ANKAR: variants seen among roughly 807,000 people sequenced by gnomAD.
ANKAR encodes the protein ankyrin and armadillo repeat-containing protein.
Under a neutral mutation model 146.2 loss-of-function variants are expected in ANKAR, and 136 were observed. The ratio of observed to expected loss-of-function variants is 0.93; its 90% CI spans 0.81 to 1.07. The LOEUF (loss-of-function observed/expected upper bound fraction) is 1.07, where lower values mean the gene tolerates loss of function less well. Ranked by LOEUF, ANKAR falls within the 50% of genes least tolerant of loss-of-function variation. The probability of loss-of-function intolerance (pLI) is 0.00; values close to 1 mark genes in which losing one functional copy is unlikely to be tolerated. For synonymous variants in ANKAR, 500 were observed against 575.8 expected, an observed-to-expected ratio of 0.87 and a Z score of 1.88; for missense variants, 1,567 against 1,679.9, an observed-to-expected ratio of 0.93 and a Z score of 1.18.
chr2:189,750,397 G>T, downstream of ANKAR: 1 of 422,176 alleles, frequency 2.4e-6, no homozygotes. Context: ...ATCTTCCCTT[G>T]TAAGACTTTT....
At chr2:189,731,329 TAGG>T in intron 16 of ANKAR, among the ~76,000 whole-genome samples, 1 of 151,822 alleles carries the variant, frequency 6.6e-6, no homozygotes, top group Admixed American at 6.6e-5. Context: ...AGAAATAACA[TAGG>T]AGGACAATAT....
chr2:189,728,473 T>C (rs987896204), intron 14 of ANKAR, 53 bp downstream of exon 14: 13 of 1,538,794 alleles, frequency 8.4e-6, no homozygotes, highest in African/African-American at 1.4e-5. Context: ...GATCTTGCTC[T>C]GTTGCCCAGC....
intron 18 of ANKAR, among the ~76,000 whole-genome samples, chr2:189,752,137 A>G (rs1024048089): frequency 6.9e-6 from 1 of 145,182 alleles, no homozygotes; most frequent in Non-Finnish European, 1.5e-5. Flanking sequence ...CTAAGACTCT[A>G]AAAAAAAAAA....
intron 10 of ANKAR, 59 bp downstream of exon 10, chr2:189,711,212 C>T: frequency 8.1e-7 from 1 of 1,241,122 alleles, no homozygotes; most frequent in Non-Finnish European, 1.1e-6. Flanking sequence ...ATATTTTATT[C>T]ATCAGTCATT....
chr2:189,743,571 A>G, intron 21 of ANKAR, 97 bp downstream of exon 21: 1 of 1,091,704 alleles, frequency 9.2e-7, no homozygotes. Flanking sequence ...TATTCTTGAT[A>G]TGAACATATC....
chr2:189,744,684 T>C, intron 21 of ANKAR, 58 bp from the exon 22 acceptor site: 1 of 1,283,350 alleles, frequency 7.8e-7, no homozygotes. Context: ...CTTCATATAT[T>C]TTTTCTGGGT....
rs368216009 is a variant in ANKAR, at chr2:189,730,433, G to A, written c.3194-62G>A. ...TTGTCAACCCAAAATATCAAGCTAT[G>A]TTTGACTTTACCATTTGTAAGATGG... On this transcript the variant is annotated intron_variant, in intron 15 of 22. Transcript: ENST00000684021. 3.5e-5 allele frequency: 36 copies of A among 1,034,632 alleles called. 2 individuals are homozygous for A. In the Admixed American group the frequency reaches 5.2e-4, roughly 15 times the overall value. The allele number at this position is 1,034,632 out of a possible 1,614,324, so 64.1% of individuals were successfully genotyped here.
At chr2:189,737,955 T>C in intron 18 of ANKAR, 114 bp downstream of exon 18, 1 of 997,696 alleles carries the variant, frequency 1.0e-6, no homozygotes, top group East Asian at 2.8e-5. Flanking sequence ...AAAAACTTAG[T>C]ACTTTGCACA....
chr2:189,682,282 A>C (rs1353314610), intron 2 of ANKAR, among the ~76,000 whole-genome samples: 1 of 152,140 alleles, frequency 6.6e-6, no homozygotes, highest in Middle Eastern at 3.2e-3. Context: ...CCTGGGAAAC[A>C]TAGTGAGACC....
rs755701630 is a variant in ANKAR at position 189,705,126 on chromosome 2, G to T, written c.1812G>T (p.Trp604Cys). Residue 604 changes from tryptophan to cysteine, a missense_variant, in exon 8 of 23, where the codon TGG (tryptophan) becomes TGT (cysteine). Coordinates refer to ENST00000684021, the MANE Select transcript of ANKAR (RefSeq NM_001378068.1). ...ADYTLSEKRG[W>C]MPIHFAAFYD... ...ACACGCTTTCTGAAAAAAGAGGCTG[G>T]ATGCCGATTCACTTTGCCGCTTTCT... is the stretch of plus-strand genomic sequence containing the variant. The T allele has an allele frequency of 6.8e-6, 11 of 1,614,014 alleles. No individual in the cohort carries two copies. The highest frequency in any genetic ancestry group is 9.3e-6 in the Non-Finnish European group (11 of 1,180,020).
intron 16 of ANKAR, among the ~76,000 whole-genome samples, chr2:189,731,458 C>T (rs2042392597): frequency 6.7e-6 from 1 of 148,736 alleles, no homozygotes; most frequent in African/African-American, 2.5e-5. Context: ...ACTGCAACCT[C>T]CACCTCCTGG....
chr2:189,755,560 T>C (rs2045950644), intron 18 of ANKAR: 6 of 1,578,140 alleles, frequency 3.8e-6, no homozygotes, highest in Non-Finnish European at 5.1e-6. Context: ...TCCCACCTGT[T>C]CTGAAAGAAA....
At chr2:189,735,982 C>A (rs1444627243) in intron 17 of ANKAR, among the ~76,000 whole-genome samples, 1 of 152,138 alleles carries the variant, frequency 6.6e-6, no homozygotes, top group Non-Finnish European at 1.5e-5. Flanking sequence ...GTGGGTATAA[C>A]CACCCTGGTA....
At chr2:189,741,538 TTGAC>T (rs1397114480) in intron 20 of ANKAR, 87 bp downstream of exon 20, 21 of 839,688 alleles carry the variant, frequency 2.5e-5, no homozygotes, top group African/African-American at 6.9e-5. Context: ...TTTCCACTGA[TTGAC>T]TGTGTTATAG....
intron 12 of ANKAR, among the ~76,000 whole-genome samples, chr2:189,722,966 G>C (rs1225080): frequency 0.98 from 149,645 of 152,166 alleles, 73,629 homozygotes; most frequent in East Asian, 1. Flanking sequence ...TCTACATTAT[G>C]TCCTCACTCC....
intron 1 of ANKAR, chr2:189,676,072 T>A (rs958186463): frequency 6.0e-6 from 1 of 167,560 alleles, no homozygotes; most frequent in Non-Finnish European, 1.3e-5. Context: ...TTATAAATTA[T>A]GCAGTCTCAG....
At chr2:189,729,461 T>G (rs1444560919) in intron 15 of ANKAR, among the ~76,000 whole-genome samples, 5 of 152,194 alleles carry the variant, frequency 3.3e-5, no homozygotes, top group African/African-American at 1.2e-4. Context: ...ATTCTCACAT[T>G]TTTTTCTCTT....
chr2:189,721,384 A>C (rs926370198), intron 12 of ANKAR, among the ~76,000 whole-genome samples: 1 of 152,222 alleles, frequency 6.6e-6, no homozygotes, highest in Non-Finnish European at 1.5e-5. Flanking sequence ...ATCAATGGAA[A>C]TATTGGCATG....
chr2:189,712,743 C>T (rs997724718), intron 10 of ANKAR, among the ~76,000 whole-genome samples: 1 of 152,190 alleles, frequency 6.6e-6, no homozygotes, highest in Non-Finnish European at 1.5e-5. Flanking sequence ...TCCTTGCCAG[C>T]AACAGAACAA....
Sources: gnomAD v4.1 joint callset for allele counts (sites outside exome capture counted in the v4.1 genomes callset) on GRCh38, gnomAD v4.1.1 for gene constraint, MANE v1.5 for transcripts, NCBI Gene and HGNC (gene_info 2026-07-23, HGNC 2026-07-21) for gene names.